Variants in C3orf52 observed in about 807,000 individuals in gnomAD.
C3orf52 encodes the protein TPA-induced transmembrane protein.
A neutral mutation model predicts 24.8 loss-of-function variants in C3orf52; 22 were observed. That is an observed-to-expected ratio of 0.89 (90% confidence interval 0.63 to 1.27). C3orf52 has a LOEUF of 1.27. C3orf52 is among the 50% of genes most tolerant of loss of function. The pLI, the probability that C3orf52 is intolerant of heterozygous loss-of-function variation, is 0.00. For missense variants in C3orf52, 265 were observed against 260.7 expected (o/e 1.02, Z -0.11); for synonymous variants, 93 against 100.2 (o/e 0.93, Z 0.43).
At chr3:112,096,386 T>TAAA (rs2073927716) in intron 2 of C3orf52, among the ~76,000 whole-genome samples, 3 of 152,066 alleles carry the variant, frequency 2.0e-5, no homozygotes, top group Non-Finnish European at 4.4e-5. Flanking sequence ...AGAAAAAGGG[T>TAAA]ATGCATGCTT....
chr3:112,100,942 A>G (rs1576140111), intron 2 of C3orf52, among the ~76,000 whole-genome samples: 1 of 152,340 alleles, frequency 6.6e-6, no homozygotes, highest in East Asian at 1.9e-4. Context: ...GACCTTAAAT[A>G]TATAATATCA....
intron 4 of C3orf52, among the ~76,000 whole-genome samples, chr3:112,126,428 CTT>C: frequency 6.6e-6 from 1 of 152,130 alleles, no homozygotes; most frequent in Admixed American, 6.5e-5. Flanking sequence ...ATTCTTTCTC[CTT>C]AACTTCAGTG....
intron 3 of C3orf52, among the ~76,000 whole-genome samples, chr3:112,106,319 C>G (rs191498840): frequency 6.6e-6 from 1 of 152,132 alleles, no homozygotes; most frequent in East Asian, 1.9e-4. Flanking sequence ...TATCAAGCTC[C>G]TGGCCTCAAG....
At chr3:112,136,118 A>C in the C3orf52 span, among the ~76,000 whole-genome samples, 1 of 152,192 alleles carries the variant, frequency 6.6e-6, no homozygotes, top group African/African-American at 2.4e-5. Flanking sequence ...AGAAATGAGA[A>C]ATTAGTTTTT....
At chr3:112,101,655 A>C (rs2073972700) in intron 2 of C3orf52, among the ~76,000 whole-genome samples, 1 of 152,206 alleles carries the variant, frequency 6.6e-6, no homozygotes, top group African/African-American at 2.4e-5. Context: ...CCTTGCTCGT[A>C]ATGCCTCGTA....
intron 4 of C3orf52, among the ~76,000 whole-genome samples, chr3:112,124,071 T>C (rs1013732134): frequency 6.6e-6 from 1 of 152,200 alleles, no homozygotes; most frequent in African/African-American, 2.4e-5. Flanking sequence ...GAAATTTTGT[T>C]CCCATTGTTG....
downstream of C3orf52, chr3:112,129,593 T>C (rs2074404654): frequency 6.6e-6 from 1 of 152,214 alleles, no homozygotes; most frequent in African/African-American, 2.4e-5. Flanking sequence ...CTCTCCCTTG[T>C]TATAATGCCG....
chr3:112,109,594 G>C lies in C3orf52; in HGVS notation c.448G>C (p.Val150Leu), dbSNP rs370777296. The change falls in exon 4 of 6, where the codon GTT becomes CTT. Residue 150 changes from valine (V) to leucine (L), a missense_variant. By Grantham distance (32) the Val-to-Leu change is conservative. Coordinates refer to ENST00000264848, the MANE Select transcript of C3orf52 (RefSeq NM_024616.3). Reference sequence around the variant, plus strand: ...CTCTCTGGGTCGTTATTTTACTTCAGTTGAAATAGTGGACTTCAGGTAAGA... The same window carrying C: ...CTCTCTGGGTCGTTATTTTACTTCACTTGAAATAGTGGACTTCAGGTAAGA... The part of the protein sequence containing the change: ...SPSLGRYFTS[V>L]EIVDFSGENA... 6.3e-7 allele frequency: 1 copy of C among 1,598,888 alleles called. No homozygotes were observed. Among genetic ancestry groups the C allele is most frequent in the Admixed American group, 1.7e-5 (1 of 59,822 alleles).
chr3:112,092,933 A>G (rs1372912643), intron 1 of C3orf52, among the ~76,000 whole-genome samples: 1 of 151,978 alleles, frequency 6.6e-6, no homozygotes, highest in African/African-American at 2.4e-5. Flanking sequence ...ATTAAGTCCA[A>G]TCTATTCTGG....
At chr3:112,096,459 G>T (rs111938663) in intron 2 of C3orf52, among the ~76,000 whole-genome samples, 14 of 152,300 alleles carry the variant, frequency 9.2e-5, no homozygotes, top group African/African-American at 3.1e-4. Context: ...TAACGTTAAG[G>T]TTGTTTAGAC....
chr3:112,123,141 A>G, downstream of C3orf52: 1 of 345,150 alleles, frequency 2.9e-6, no homozygotes, highest in South Asian at 3.9e-5. Flanking sequence ...CAGACAGAAG[A>G]GCAGAGCCCC....
rs181902188 is a variant in C3orf52 at position 112,093,443 on chromosome 3, C to T, written c.222C>T (p.Phe74=). The change falls in exon 2 of 6, where the codon TTC becomes TTT. Residue 74 remains phenylalanine (F), a synonymous_variant. Transcript: ENST00000264848. ...CKLWMIITSI[F]LGVITVIIIG... is the part of the protein sequence containing the mutation. ...TGTGGATGATCATCACCTCCATTTT[C>T]CTAGGTGTCATTACAGTGATCATCA... 1,153 of 1,613,788 alleles carry T rather than the reference C, an allele frequency of 7.1e-4. 17 individuals are homozygous for T. In the East Asian group the frequency reaches 0.023, roughly 32 times the overall value.
At chr3:112,097,956 C>T (rs771884960) in intron 2 of C3orf52, among the ~76,000 whole-genome samples, 19 of 152,314 alleles carry the variant, frequency 1.2e-4, no homozygotes, top group Non-Finnish European at 2.4e-4. Flanking sequence ...TGCTCAAGGT[C>T]ATCACCAAAG....
At chr3:112,096,653 A>T (rs537323259) in intron 2 of C3orf52, among the ~76,000 whole-genome samples, 15 of 152,136 alleles carry the variant, frequency 9.9e-5, no homozygotes, top group African/African-American at 3.4e-4. Flanking sequence ...TGGGACAGTG[A>T]AAGCATCTCA....
At chr3:112,128,633 T>G (rs2074383875) in exon 5 of C3orf52, 1 of 188,618 alleles carries the variant, frequency 5.3e-6, no homozygotes, top group African/African-American at 2.4e-5. Context: ...AAAAAATATT[T>G]GATGAAGATA....
rs80351362 is a variant in C3orf52 at position 112,090,439 on chromosome 3, T to C, written c.139-2921T>C. Among the ~76,000 whole-genome samples, 888 of 152,158 alleles carry C rather than the reference T, an allele frequency of 5.8e-3. 20 individuals carry two copies. Among genetic ancestry groups the C allele is most frequent in the East Asian group, 0.05 (261 of 5,178 alleles). On this transcript the variant is annotated intron_variant, in intron 1 of 5. Coordinates refer to ENST00000264848, the MANE Select transcript of C3orf52 (RefSeq NM_024616.3). ...ACTCCTCAGTATCTGGGACCACAGGTGTAAACCGTCATGTCTGGCTATTTT... is the reference window on the plus strand; with the variant it reads ...ACTCCTCAGTATCTGGGACCACAGGCGTAAACCGTCATGTCTGGCTATTTT...
chr3:112,100,653 T>C (rs2073964507), intron 2 of C3orf52, among the ~76,000 whole-genome samples: 1 of 152,200 alleles, frequency 6.6e-6, no homozygotes, highest in South Asian at 2.1e-4. Context: ...TTCTGAGGCA[T>C]TGATATCTAT....
chr3:112,124,485 T>C (rs2074265928), intron 4 of C3orf52, among the ~76,000 whole-genome samples: 1 of 152,126 alleles, frequency 6.6e-6, no homozygotes, highest in South Asian at 2.1e-4. Flanking sequence ...GGCACACACC[T>C]GCAATCCCAG....
intron 3 of C3orf52, 29 bp from the exon 4 acceptor site, chr3:112,109,514 T>C (rs775231258): frequency 6.3e-6 from 9 of 1,422,900 alleles, no homozygotes; most frequent in Non-Finnish European, 8.8e-6. Flanking sequence ...CGGTAATGTG[T>C]GTGGTTTAAT....
Sources: allele counts gnomAD v4.1 joint callset (sites outside exome capture counted in the v4.1 genomes callset), GRCh38; gene constraint gnomAD v4.1.1; transcripts MANE v1.5; gene names NCBI Gene and HGNC (gene_info 2026-07-23, HGNC 2026-07-21).